Variants in KCNQ1 observed in about 807,000 individuals in gnomAD.
The protein encoded by KCNQ1 is potassium voltage-gated channel subfamily KQT member 1.
In KCNQ1, 49 loss-of-function variants were observed where a neutral mutation model predicts 72.4. The ratio of observed to expected loss-of-function variants is 0.68; its 90% CI spans 0.54 to 0.86. The LOEUF (loss-of-function observed/expected upper bound fraction) is 0.86. KCNQ1 is among the 40% of genes least tolerant of loss of function. KCNQ1 has a pLI of 0.00. For missense variants in KCNQ1, 790 were observed against 945.1 expected (o/e 0.84, Z 2.15); for synonymous variants, 450 against 412.6 (o/e 1.09, Z -1.10).
chr11:2,642,652 T>A lies in KCNQ1; in HGVS notation c.1394-19309T>A, dbSNP rs1304015292. ...ATTGATCCTTTATATTTATTTAGTT[T>A]CTTGTTTAGTTCTGCTCTGATCTTC... On this transcript the variant is annotated intron_variant, in intron 10 of 15. Transcript: ENST00000155840. This position sits in a 1 kb window ranked among gnomAD's most constrained non-coding sequence, Gnocchi z 4.3. 2.5e-6 allele frequency: 1 copy of A among 397,862 alleles called. No homozygotes were observed. The highest frequency in any genetic ancestry group is 2.1e-5 in the African/African-American group (1 of 48,628). The allele number at this position is 397,862 out of a possible 1,614,324, so 24.6% of individuals were successfully genotyped here.
In KCNQ1 at chr11:2,785,201, G is replaced by T. The variant is rs1045093222; in HGVS notation, c.1794+7164G>T. 5.3e-5 allele frequency among the ~76,000 whole-genome samples: 8 copies of T among 151,938 alleles called. No individual in the cohort carries two copies. Among genetic ancestry groups the T allele is most frequent in the African/African-American group, 1.9e-4 (8 of 41,432 alleles). On this transcript the variant is annotated intron_variant, in intron 15 of 15. Coordinates refer to ENST00000155840, the MANE Select transcript of KCNQ1 (RefSeq NM_000218.3). This position sits in a 1 kb window ranked among gnomAD's most constrained non-coding sequence, Gnocchi z 4.4. ...TGTGTTGAGAGCTCTCATTATGAAT[G>T]GATATTGGATTTTGTCAAATGCTCT...
At chr11:2,733,814 A>ACACACACACACACACACACACACACTCT in intron 11 of KCNQ1, among the ~76,000 whole-genome samples, 2 of 86,650 alleles carry the variant, frequency 2.3e-5, no homozygotes, top group Non-Finnish European at 4.8e-5. Context: ...ACACACACAC[A>ACACACACACACACACACACACACACTCT]CTCTCTCACT....
At position 2,593,675 on chromosome 11, in the gene KCNQ1, G is replaced by T. The variant is rs2133768034; in HGVS notation, c.1393+4821G>T. ...CACACTCGTGTGTGTGCTTTCTGGA[G>T]GCATGCGTCATGGAACAGCCTCACC... On this transcript the variant is annotated intron_variant, in intron 10 of 15. Transcript: ENST00000155840. The surrounding 1 kb of genome is among the most constrained non-coding windows in gnomAD (Gnocchi z 6.9). Among the ~76,000 whole-genome samples, 3 of 152,274 alleles carry T rather than the reference G, an allele frequency of 2.0e-5. No individual in the cohort carries two copies. Among genetic ancestry groups the T allele is most frequent in the Admixed American group, 2.0e-4 (3 of 15,296 alleles).
intron 1 of KCNQ1, chr11:2,461,533 AG>A (rs771754723): frequency 7.4e-7 from 1 of 1,344,624 alleles, no homozygotes; most frequent in Non-Finnish European, 9.8e-7. Context: ...TCTGGAGTGT[AG>A]GATGGCACTG....
At chr11:2,665,604 C>T (rs1302785979) in intron 11 of KCNQ1, 1 of 396,808 alleles carries the variant, frequency 2.5e-6, no homozygotes, top group African/African-American at 2.1e-5. Flanking sequence ...CCCCCCAGGA[C>T]ACACTTAGGC....
At position 2,659,656 on chromosome 11, in the gene KCNQ1, T is replaced by C; in HGVS notation, c.1394-2305T>C. 2.5e-6 allele frequency: 1 copy of C among 398,516 alleles called. No individual in the cohort carries two copies. Among genetic ancestry groups the C allele is most frequent in the Non-Finnish European group, 4.4e-6 (1 of 226,008 alleles). The allele number at this position is 398,516 out of a possible 1,614,324, so 24.7% of individuals were successfully genotyped here. On this transcript the variant is annotated intron_variant, in intron 10 of 15. Coordinates refer to ENST00000155840, the MANE Select transcript of KCNQ1 (RefSeq NM_000218.3). The surrounding 1 kb of genome is among the most constrained non-coding windows in gnomAD (Gnocchi z 4.3). ...TCATGTGGTATGTGTATGTTTAACTTAATAAGAAATTGCTAAACTATTTCC... is the reference window on the plus strand; with the variant it reads ...TCATGTGGTATGTGTATGTTTAACTCAATAAGAAATTGCTAAACTATTTCC...
intron 11 of KCNQ1, chr11:2,699,462 A>G (rs1850736835): frequency 1.0e-5 from 4 of 393,924 alleles, no homozygotes; most frequent in Non-Finnish European, 1.8e-5. Context: ...AGCCGCCGGG[A>G]GAGTGCCGCG....
In KCNQ1 at chr11:2,498,946, C is replaced by T. The variant is rs962938784; in HGVS notation, c.387-28982C>T. ...GGGTGCAGCAACTGCATGCAAACTG[C>T]ATGTTTGCAGTTCCCTCGGCTGGGG... On this transcript the variant is annotated intron_variant, in intron 1 of 15. Transcript: ENST00000155840. This position sits in a 1 kb window ranked among gnomAD's most constrained non-coding sequence, Gnocchi z 4.8. Among the ~76,000 whole-genome samples the T allele has an allele frequency of 6.6e-6, 1 of 152,204 alleles. No homozygotes were observed. The highest frequency in any genetic ancestry group is 2.4e-5 in the African/African-American group (1 of 41,452).
chr11:2,716,143 A>T (rs1403831295), intron 11 of KCNQ1, among the ~76,000 whole-genome samples: 1 of 152,158 alleles, frequency 6.6e-6, no homozygotes, highest in Non-Finnish European at 1.5e-5. Context: ...GATCCTCATT[A>T]ATGGCTGTTT....
In KCNQ1 at chr11:2,466,417, A is replaced by G. The variant is rs1275833683; in HGVS notation, c.386+20933A>G. ...AAGAGAGTGAGTTTTGAGGGAACAC[A>G]GTGCTGGGGGTCCCCTCCTGGGCCT... is the stretch of plus-strand genomic sequence containing the variant. On this transcript the variant is annotated intron_variant, in intron 1 of 15. Transcript: ENST00000155840. 3.3e-5 allele frequency among the ~76,000 whole-genome samples: 5 copies of G among 152,076 alleles called. No homozygotes were observed. In the East Asian group the frequency reaches 9.7e-4, roughly 29 times the overall value.
intron 11 of KCNQ1, among the ~76,000 whole-genome samples, chr11:2,716,734 T>G (rs1055829798): frequency 5.3e-5 from 8 of 152,226 alleles, no homozygotes; most frequent in African/African-American, 1.9e-4. Context: ...AGCGCGGTGC[T>G]TCTCCTTCAG....
At chr11:2,572,244 A>T (rs1848349116) in intron 5 of KCNQ1, 135 bp downstream of exon 5, 3 of 653,140 alleles carry the variant, frequency 4.6e-6, no homozygotes, top group Non-Finnish European at 5.4e-6. Flanking sequence ...GGGGTACCTG[A>T]ACGGGGCCCA....
chr11:2,569,549 CG>C (rs1848296104), intron 2 of KCNQ1, among the ~76,000 whole-genome samples: 1 of 152,176 alleles, frequency 6.6e-6, no homozygotes, highest in Non-Finnish European at 1.5e-5. Context: ...AGGAGTCCGC[CG>C]GAAGTGGGCC....
intron 5 of KCNQ1, 108 bp from the exon 6 acceptor site, chr11:2,572,738 C>A: frequency 4.2e-6 from 6 of 1,425,810 alleles, no homozygotes; most frequent in African/African-American, 1.4e-5. Flanking sequence ...CGCGCTGGAG[C>A]GGCGTAGGAC....
In KCNQ1 at chr11:2,803,172, A is replaced by C. The variant is rs1847306953; in HGVS notation, c.1794+25135A>C. 6.6e-6 allele frequency among the ~76,000 whole-genome samples: 1 copy of C among 151,422 alleles called. No individual in the cohort carries two copies. Among genetic ancestry groups the C allele is most frequent in the Non-Finnish European group, 1.5e-5 (1 of 67,928 alleles). On this transcript the variant is annotated intron_variant, in intron 15 of 15. Coordinates refer to ENST00000155840, the MANE Select transcript of KCNQ1 (RefSeq NM_000218.3). This position sits in a 1 kb window ranked among gnomAD's most constrained non-coding sequence, Gnocchi z 6.4. ...CAGCCGGGCCCCCCCCCCCACGGGC[A>C]CCCAGGAACCGCCCTGGCTTTGCTG...
rs549476113 is a variant in KCNQ1, at chr11:2,499,962, T to C, written c.387-27966T>C. Reference sequence around the variant, plus strand: ...AACATTCTAAAAAATTGAAATACTATCAAGCATCTTCTCTGACCAGTACAG... The same window carrying C: ...AACATTCTAAAAAATTGAAATACTACCAAGCATCTTCTCTGACCAGTACAG... On this transcript the variant is annotated intron_variant, in intron 1 of 15. Coordinates refer to ENST00000155840, the MANE Select transcript of KCNQ1 (RefSeq NM_000218.3). Among the ~76,000 whole-genome samples the C allele has an allele frequency of 6.0e-4, 92 of 152,284 alleles. 1 individual carries two copies. Among genetic ancestry groups the C allele is most frequent in the African/African-American group, 2.1e-3 (89 of 41,556 alleles).
At chr11:2,753,134 C>T (rs1846251617) in intron 11 of KCNQ1, among the ~76,000 whole-genome samples, 2 of 152,184 alleles carry the variant, frequency 1.3e-5, no homozygotes, top group African/African-American at 2.4e-5. Context: ...TGCATTTGGG[C>T]CAGGTTGCGA....
chr11:2,523,834 C>G (rs1214260656), intron 1 of KCNQ1, among the ~76,000 whole-genome samples: 1 of 149,278 alleles, frequency 6.7e-6, no homozygotes, highest in African/African-American at 2.5e-5. Context: ...GGGTCCTGCC[C>G]ATGGCCCCCT....
In KCNQ1 at chr11:2,659,227, C is replaced by G. The variant is rs528772280; in HGVS notation, c.1394-2734C>G. ...TATCATTCACAGAAGTTCCATACCC[C>G]TAAAAATACCCTGGGGTGAGTCTTT... On this transcript the variant is annotated intron_variant, in intron 10 of 15. Coordinates refer to ENST00000155840, the MANE Select transcript of KCNQ1 (RefSeq NM_000218.3). This position sits in a 1 kb window ranked among gnomAD's most constrained non-coding sequence, Gnocchi z 4.3. 2.3e-5 allele frequency: 9 copies of G among 398,650 alleles called. No individual in the cohort carries two copies. The East Asian group carries it at 2.8e-4, about 13-fold the overall frequency. 24.7% of individuals were successfully genotyped at this position (398,650 alleles called of 1,614,324 possible). A position where few individuals can be genotyped will look rare whatever the true frequency, so the allele number is the denominator to read the frequency against.
Sources: gnomAD v4.1 joint callset for allele counts (sites outside exome capture counted in the v4.1 genomes callset) on GRCh38, gnomAD v4.1.1 for gene constraint, Gnocchi (gnomAD v3.1) non-coding constraint, MANE v1.5 for transcripts, NCBI Gene and HGNC (gene_info 2026-07-23, HGNC 2026-07-21) for gene names.